The following FAM9C variants were observed in gnomAD, a reference collection of about 807,000 sequenced individuals.
FAM9C encodes family with sequence similarity 9 member C, also known as protein FAM9C.
Under a neutral mutation model 14.8 loss-of-function variants are expected in FAM9C, and 15 were observed. The observed-to-expected ratio is 1.02, with a 90% confidence interval of 0.68 to 1.56. The LOEUF is 1.56. FAM9C is among the 40% of genes most tolerant of loss of function. The pLI is 0.00. For synonymous variants in FAM9C, 45 were observed against 37.5 expected, an observed-to-expected ratio of 1.20 and a Z score of -0.74; for missense variants, 116 against 118.0, an observed-to-expected ratio of 0.98 and a Z score of 0.08.
intron 6 of FAM9C, among the ~76,000 whole-genome samples, 155 bp from the exon 7 acceptor site, chrX:13,038,658 CAT>C (rs756436320): frequency 6.3e-4 from 71 of 112,656 alleles, no homozygotes; most frequent in African/African-American, 1.9e-3. Context: ...GTTCACCACT[CAT>C]GTGCTAAAAC....
chrX:13,038,229 T>C, intron 7 of FAM9C, 187 bp downstream of exon 7: 2 of 325,290 alleles, frequency 6.1e-6, no homozygotes, highest in South Asian at 1.0e-4. Flanking sequence ...TACTGTTTTA[T>C]GTTATTTTAT....
At chrX:13,044,321 A>AGCCC (rs2043556589) in intron 1 of FAM9C, among the ~76,000 whole-genome samples, 2 of 76,856 alleles carry the variant, frequency 2.6e-5, no homozygotes, top group South Asian at 7.7e-4. Context: ...TGACCCCCCG[A>AGCCC]CCCCCCCCCA....
At chrX:13,039,957 G>A (rs767561952) in intron 5 of FAM9C, 41 bp from the exon 6 acceptor site, 2 of 1,082,524 alleles carry the variant, frequency 1.8e-6, no homozygotes, top group South Asian at 4.7e-5. Context: ...CGTCATAGAG[G>A]GATGAAAAAT....
chrX:13,038,345 C>CA, intron 7 of FAM9C, 71 bp downstream of exon 7: 1 of 844,349 alleles, frequency 1.2e-6, no homozygotes, highest in East Asian at 3.6e-5. Flanking sequence ...CAGAAACAAG[C>CA]AGATTGTCTT....
chrX:13,044,511 TC>T, intron 1 of FAM9C, 28 bp downstream of exon 1: 1 of 112,677 alleles, frequency 8.9e-6, no homozygotes, highest in Non-Finnish European at 1.9e-5. Context: ...TGGCCCGCCT[TC>T]CCCGCATCCC....
Position 13,038,484 on chromosome X carries a change from T to C in FAM9C, c.458A>G (p.Gln153Arg). 8.3e-7 allele frequency: 1 copy of C among 1,206,260 alleles called. No individual in the cohort carries two copies. The highest frequency in any genetic ancestry group is 1.1e-6 in the Non-Finnish European group (1 of 893,492). The change falls in exon 7 of 8, where the codon CAA becomes CGA. Residue 153 changes from glutamine (Q) to arginine (R), a missense_variant. Coordinates refer to ENST00000380625, the MANE Select transcript of FAM9C (RefSeq NM_174901.6). The stretch of plus-strand genomic sequence containing the variant: ...TTTCCCATCTTGTTGCCACCTCTTT[T>C]GTTGCTCTTGAAATATTTTCTAGAG... ...EEQIKIFQEQ[Q>R]KRWQQDGKGT... is the part of the protein sequence containing the mutation.
Position 13,038,427 on chromosome X carries a change from G to T in FAM9C, c.*14C>A, listed in dbSNP as rs760534023. The T allele has an allele frequency of 8.4e-7, 1 of 1,196,580 alleles. No individual in the cohort carries two copies. The highest frequency in any genetic ancestry group is 1.1e-6 in the Non-Finnish European group (1 of 888,607). ...CAAATAGAACAGACCTTTGTGAATT[G>T]CTCGTGTGGTGGCTCAATCTCTTTC... On this transcript the variant is annotated 3_prime_UTR_variant, in exon 7 of 8. Coordinates refer to ENST00000380625, the MANE Select transcript of FAM9C (RefSeq NM_174901.6).
In FAM9C at chrX:13,035,965, C is replaced by T. The variant is rs2043477160; in HGVS notation, c.*79G>A. ...TAGGTTCAAGTTCTTTTGTCAGTCA[C>T]CAGAATAACAGAGGTTGAAGATACA... On this transcript the variant is annotated 3_prime_UTR_variant, in exon 8 of 8. Transcript: ENST00000380625. 8.9e-6 allele frequency: 1 copy of T among 112,266 alleles called. No individual in the cohort carries two copies. Among genetic ancestry groups the T allele is most frequent in the Non-Finnish European group, 1.9e-5 (1 of 53,170 alleles). The allele number at this position is 112,266 out of a possible 1,213,427, so 9.3% of individuals were successfully genotyped here. A position where few individuals can be genotyped will look rare whatever the true frequency, so the allele number is the denominator to read the frequency against.
intron 5 of FAM9C, 36 bp from the exon 6 acceptor site, chrX:13,039,952 T>C (rs770363898): frequency 1.4e-5 from 15 of 1,089,366 alleles, no homozygotes; most frequent in South Asian, 9.2e-5. Context: ...TCATACGTCA[T>C]AGAGGGATGA....
Position 13,038,530 on chromosome X carries a change from T to C in FAM9C, c.439-27A>G, listed in dbSNP as rs1016362810. 4 of 1,147,614 alleles carry C rather than the reference T, an allele frequency of 3.5e-6. No homozygotes were observed. In the African/African-American group the frequency reaches 7.2e-5, roughly 21 times the overall value. 94.6% of individuals were successfully genotyped at this position (1,147,614 alleles called of 1,213,427 possible). On this transcript the variant is annotated intron_variant, in intron 6 of 7. Coordinates refer to ENST00000380625, the MANE Select transcript of FAM9C (RefSeq NM_174901.6). The stretch of plus-strand genomic sequence containing the variant: ...TAGAGGCACAAAACAAAAAAGTGAT[T>C]AAAATTGGGTAAATTTTAATACTTA...
At chrX:13,043,646 G>T (rs1414382263) in intron 2 of FAM9C, 83 bp downstream of exon 2, 4 of 1,121,648 alleles carry the variant, frequency 3.6e-6, no homozygotes, top group Non-Finnish European at 4.9e-6. Context: ...GGGGGCCTCG[G>T]GCTGCCCATG....
At chrX:13,042,754 A>T (rs1366492608) in intron 4 of FAM9C, 164 bp downstream of exon 4, 2 of 590,344 alleles carry the variant, frequency 3.4e-6, no homozygotes, top group Admixed American at 2.9e-5. Context: ...ATCAACAATT[A>T]AAAAAGTAAG....
chrX:13,044,274 C>T (rs1356218961), intron 1 of FAM9C, among the ~76,000 whole-genome samples: 1 of 110,577 alleles, frequency 9.0e-6, no homozygotes, highest in Non-Finnish European at 1.9e-5. Context: ...CCCAAGTATC[C>T]CGTCCTGATG....
intron 5 of FAM9C, chrX:13,040,270 G>A: frequency 5.4e-6 from 4 of 746,207 alleles, no homozygotes; most frequent in Non-Finnish European, 6.3e-6. Flanking sequence ...GAATATCATA[G>A]CCATTCATCC....
intron 7 of FAM9C, chrX:13,038,153 A>G: frequency 4.6e-6 from 1 of 218,961 alleles, no homozygotes; most frequent in Non-Finnish European, 8.2e-6. Context: ...ATTTCTAGGT[A>G]AAATTTCCAA....
At chrX:13,044,321 A>ACCCCCCCCCCC (rs748879259) in intron 1 of FAM9C, among the ~76,000 whole-genome samples, 10 of 76,828 alleles carry the variant, frequency 1.3e-4, no homozygotes, top group South Asian at 7.8e-4. Context: ...TGACCCCCCG[A>ACCCCCCCCCCC]CCCCCCCCCA....
At position 13,042,907 on chromosome X, in the gene FAM9C, G is replaced by A. The variant is rs1225480082; in HGVS notation, c.214+11C>T. 3.3e-6 allele frequency: 4 copies of A among 1,206,073 alleles called. No individual in the cohort carries two copies. The highest frequency in any genetic ancestry group is 1.7e-5 in the African/African-American group (1 of 57,168). On this transcript the variant is annotated intron_variant, in intron 4 of 7. Coordinates refer to ENST00000380625, the MANE Select transcript of FAM9C (RefSeq NM_174901.6). ...AATTTTCATAAACCACAAATAGCTC[G>A]TAAAACATACCTGCAATATCTTCTA...
chrX:13,040,276 C>T, intron 5 of FAM9C: 1 of 749,314 alleles, frequency 1.3e-6, no homozygotes, highest in Non-Finnish European at 1.6e-6. Flanking sequence ...CATAGCCATT[C>T]ATCCCGTAAG....
At chrX:13,044,321 A>ACCCCCCCCCCCCCC (rs748879259) in intron 1 of FAM9C, among the ~76,000 whole-genome samples, 2 of 76,845 alleles carry the variant, frequency 2.6e-5, no homozygotes, top group African/African-American at 5.1e-5. Flanking sequence ...TGACCCCCCG[A>ACCCCCCCCCCCCCC]CCCCCCCCCA....
Sources: gnomAD v4.1 joint callset for allele counts (sites outside exome capture counted in the v4.1 genomes callset) on GRCh38, gnomAD v4.1.1 for gene constraint, MANE v1.5 for transcripts, NCBI Gene and HGNC (gene_info 2026-07-23, HGNC 2026-07-21) for gene names.